The following GSE1 variants were observed in gnomAD, a reference collection of about 807,000 sequenced individuals.
GSE1 encodes Gse1 coiled-coil protein, also known as genetic suppressor element 1.
Under a neutral mutation model 112.6 loss-of-function variants are expected in GSE1, and 32 were observed. The observed-to-expected ratio is 0.28, with a 90% CI of 0.21 to 0.38. GSE1 has a LOEUF of 0.38. Among genes scored for constraint, GSE1 ranks in the 10% least tolerant of loss-of-function variants. The probability of loss-of-function intolerance (pLI) is 1.00; values close to 1 mark genes in which losing one functional copy is unlikely to be tolerated. For synonymous variants in GSE1, 1,115 were observed against 735.6 expected, an observed-to-expected ratio of 1.52 and a Z score of -8.35; for missense variants, 2,348 against 1,699.2, an observed-to-expected ratio of 1.38 and a Z score of -6.71.
At chr16:85,666,399 C>G (rs1337629844) in intron 13 of GSE1, 52 bp downstream of exon 13, 2 of 1,599,392 alleles carry the variant, frequency 1.3e-6, no homozygotes, top group Non-Finnish European at 1.7e-6. Flanking sequence ...TGAGGCTGAC[C>G]AAAGTTGCTG....
intron 1 of GSE1, among the ~76,000 whole-genome samples, chr16:85,604,645 C>T (rs1050406474): frequency 4.4e-5 from 6 of 134,864 alleles, no homozygotes; most frequent in African/African-American, 1.7e-4. Context: ...GATGCACCTT[C>T]TGAGGCGGGA....
intron 1 of GSE1, among the ~76,000 whole-genome samples, chr16:85,324,693 A>G (rs55655336): frequency 0.06 from 9,057 of 152,140 alleles, 923 homozygotes; most frequent in African/African-American, 0.21. Flanking sequence ...GGGCCATAAA[A>G]GGAACGAACA....
At chr16:85,546,657 A>C (rs1301102004) in intron 2 of GSE1, among the ~76,000 whole-genome samples, 4 of 152,242 alleles carry the variant, frequency 2.6e-5, no homozygotes, top group African/African-American at 9.6e-5. Context: ...AGAGGCTCGC[A>C]CAGGCAGCTC....
rs531982635 is a variant in GSE1 at position 85,331,398 on chromosome 16, T to G, written c.2284-26065T>G. On this transcript the variant is annotated intron_variant, in intron 1 of 2. Transcript: ENST00000637419. The stretch of plus-strand genomic sequence containing the variant: ...GTATATATATGTATATATATGTGTA[T>G]ATATGTATATATATGCGTATATATG... Among the ~76,000 whole-genome samples the G allele has an allele frequency of 7.0e-5, 10 of 142,992 alleles. No individual in the cohort carries two copies. In the South Asian group the frequency reaches 2.0e-3, roughly 28 times the overall value. The allele number at this position is 142,992 out of a possible 152,430, so 93.8% of individuals were successfully genotyped here. A position where few individuals can be genotyped will look rare whatever the true frequency, so the allele number is the denominator to read the frequency against.
intron 2 of GSE1, among the ~76,000 whole-genome samples, chr16:85,369,277 GT>G (rs1177202081): frequency 2.0e-5 from 3 of 151,978 alleles, no homozygotes; most frequent in Non-Finnish European, 4.4e-5. Context: ...GTGCAGTGGC[GT>G]GATCACGGCT....
At chr16:85,225,235 G>C (rs897994558) in intron 1 of GSE1, among the ~76,000 whole-genome samples, 1 of 152,228 alleles carries the variant, frequency 6.6e-6, no homozygotes, top group Non-Finnish European at 1.5e-5. Context: ...ACACAGTTGA[G>C]GTGTTGAGCA....
At chr16:85,280,886 G>A (rs1237245784) in intron 1 of GSE1, among the ~76,000 whole-genome samples, 1 of 152,200 alleles carries the variant, frequency 6.6e-6, no homozygotes, top group East Asian at 1.9e-4. Context: ...AACATCGGCG[G>A]TGACAAGGAG....
intron 2 of GSE1, among the ~76,000 whole-genome samples, chr16:85,378,757 G>A (rs2151615557): frequency 6.6e-6 from 1 of 152,256 alleles, no homozygotes; most frequent in South Asian, 2.1e-4. Flanking sequence ...GGCAACTTGG[G>A]GATGGAAAGC....
At chr16:85,633,882 G>C (rs1206415301) in intron 1 of GSE1, 32 bp from the exon 2 acceptor site, 1 of 1,565,958 alleles carries the variant, frequency 6.4e-7, no homozygotes. Context: ...CTGCTCTCTG[G>C]GTGACCTCTG....
At chr16:85,338,046 C>T (rs1251531641) in intron 1 of GSE1, among the ~76,000 whole-genome samples, 2 of 152,206 alleles carry the variant, frequency 1.3e-5, no homozygotes, top group Non-Finnish European at 1.5e-5. Context: ...AACACAGAAG[C>T]CACGCCTTCC....
chr16:85,606,291 CATGT>C lies in GSE1; in HGVS notation c.38-42260_38-42257del, dbSNP rs550700608. Among the ~76,000 whole-genome samples, 731 of 152,348 alleles carry C rather than the reference CATGT, an allele frequency of 4.8e-3. 1 individual carries two copies. The highest frequency in any genetic ancestry group is 8.2e-3 in the Non-Finnish European group (561 of 68,030). On this transcript the variant is annotated intron_variant, in intron 1 of 2. Coordinates refer to the GSE1 transcript ENST00000635906. ...TCAAATATGAAAAATGGGAACTAGG[CATGT>C]GAGGAAATGAAAACCTGGCATCCCC...
chr16:85,547,901 G>C (rs886572464), intron 2 of GSE1, among the ~76,000 whole-genome samples: 1 of 135,974 alleles, frequency 7.4e-6, no homozygotes, highest in Non-Finnish European at 1.6e-5. Flanking sequence ...AAAAAAATCA[G>C]TGTACTTGGT....
intron 1 of GSE1, among the ~76,000 whole-genome samples, chr16:85,312,213 G>GGGGGGC (rs1555559914): frequency 2.7e-5 from 4 of 149,538 alleles, no homozygotes; most frequent in African/African-American, 1.0e-4. Context: ...GCGGGGGGGG[G>GGGGGGC]GGGGACACAC....
At chr16:85,521,719 T>C (rs1337030126) in intron 2 of GSE1, among the ~76,000 whole-genome samples, 4 of 152,182 alleles carry the variant, frequency 2.6e-5, no homozygotes, top group Admixed American at 2.6e-4. Flanking sequence ...AGCAGGAGTG[T>C]GTTGCTCTGT....
intron 1 of GSE1, among the ~76,000 whole-genome samples, chr16:85,312,583 T>C (rs928423513): frequency 1.3e-5 from 2 of 152,222 alleles, no homozygotes; most frequent in African/African-American, 4.8e-5. Flanking sequence ...TTAGAGCATC[T>C]TAACTTCCTG....
chr16:85,423,079 G>T (rs150310619), intron 2 of GSE1, among the ~76,000 whole-genome samples: 23 of 152,326 alleles, frequency 1.5e-4, no homozygotes, highest in Non-Finnish European at 2.8e-4. Flanking sequence ...GCACTGCCTC[G>T]CAAGCACTGA....
At chr16:85,438,325 C>T (rs930749635) in intron 2 of GSE1, among the ~76,000 whole-genome samples, 3 of 152,176 alleles carry the variant, frequency 2.0e-5, no homozygotes, top group Non-Finnish European at 4.4e-5. Flanking sequence ...CTGTGCTGCT[C>T]CTTGCTGGGG....
intron 1 of GSE1, among the ~76,000 whole-genome samples, chr16:85,189,287 G>A (rs1230154395): frequency 6.6e-6 from 1 of 152,100 alleles, no homozygotes; most frequent in Non-Finnish European, 1.5e-5. Flanking sequence ...TTGACTTCAT[G>A]TTGTCTTCTG....
intron 2 of GSE1, among the ~76,000 whole-genome samples, chr16:85,544,181 C>T (rs555391536): frequency 1.3e-5 from 2 of 152,274 alleles, no homozygotes; most frequent in Admixed American, 6.5e-5. Flanking sequence ...ATTGACATCT[C>T]GTGGGTCGAG....
Sources: allele counts gnomAD v4.1 joint callset (sites outside exome capture counted in the v4.1 genomes callset), GRCh38; gene constraint gnomAD v4.1.1; transcripts MANE v1.5; gene names NCBI Gene and HGNC (gene_info 2026-07-23, HGNC 2026-07-21).